The following WWP2 variants were observed in gnomAD, a reference collection of about 807,000 sequenced individuals.
The protein encoded by WWP2 is NEDD4-like E3 ubiquitin-protein ligase WWP2.
A neutral mutation model predicts 121.0 loss-of-function variants in WWP2; 57 were observed. The ratio of observed to expected loss-of-function variants is 0.47; its 90% CI spans 0.38 to 0.59. The LOEUF is 0.59. Among genes scored for constraint, WWP2 ranks in the 20% least tolerant of loss-of-function variants. The probability of loss-of-function intolerance (pLI) is 0.00; values close to 1 mark genes in which losing one functional copy is unlikely to be tolerated. For synonymous variants in WWP2, 449 were observed against 441.3 expected (o/e 1.02, Z -0.22); for missense variants, 962 against 1,158.9 (o/e 0.83, Z 2.47).
intron 23 of WWP2, 75 bp downstream of exon 23, chr16:69,939,488 A>C: frequency 1.3e-6 from 2 of 1,507,270 alleles, no homozygotes; most frequent in South Asian, 1.1e-5. Context: ...CAGTGGGTGT[A>C]GCAGCTTCAT....
chr16:69,903,048 A>G (rs2058229730), intron 8 of WWP2, among the ~76,000 whole-genome samples: 1 of 152,202 alleles, frequency 6.6e-6, no homozygotes, highest in Non-Finnish European at 1.5e-5. Flanking sequence ...AGGTGATGGA[A>G]GAAAGGTCTT....
intron 8 of WWP2, among the ~76,000 whole-genome samples, chr16:69,907,247 G>A (rs2058308534): frequency 6.6e-6 from 1 of 152,178 alleles, no homozygotes; most frequent in Non-Finnish European, 1.5e-5. Flanking sequence ...ATGCCTGTGG[G>A]TTTTGTGCAT....
chr16:69,788,356 C>T (rs2055836625), intron 2 of WWP2, among the ~76,000 whole-genome samples: 1 of 152,162 alleles, frequency 6.6e-6, no homozygotes, highest in Non-Finnish European at 1.5e-5. Context: ...TCTTGTCACT[C>T]CTCTGCTCAA....
chr16:69,871,934 G>A lies in WWP2; in HGVS notation c.703+3G>A, dbSNP rs1408874503. On this transcript the variant is annotated splice_donor_region_variant and intron_variant, in intron 7 of 23. Coordinates refer to ENST00000359154, the MANE Select transcript of WWP2 (RefSeq NM_001270454.2). ...CAGTGGCTTGGCCAATGGCACAGGT[G>A]AGTGATGGCACCGCACGCCAGCCTG... 2 of 1,612,930 alleles carry A rather than the reference G, an allele frequency of 1.2e-6. No homozygotes were observed. The highest frequency in any genetic ancestry group is 2.7e-5 in the African/African-American group (2 of 74,914).
intron 10 of WWP2, among the ~76,000 whole-genome samples, chr16:69,920,219 A>G (rs544447696): frequency 5.9e-5 from 9 of 152,262 alleles, no homozygotes; most frequent in Admixed American, 3.3e-4. Context: ...CAGTTTCCTT[A>G]GCAGAGGTGA....
rs142465753 is a variant in WWP2, at chr16:69,903,569, C to T, written c.915-5192C>T. ...GGATCACAAGGTCAGAAGATCGAGA[C>T]CATCCTGGCCAACATGGTGAAACCC... On this transcript the variant is annotated intron_variant, in intron 8 of 23. Coordinates refer to ENST00000359154, the MANE Select transcript of WWP2 (RefSeq NM_001270454.2). Among the ~76,000 whole-genome samples, 1,301 of 152,092 alleles carry T rather than the reference C, an allele frequency of 8.6e-3. 12 individuals carry two copies. Among genetic ancestry groups the T allele is most frequent in the Non-Finnish European group, 0.015 (997 of 67,982 alleles).
At chr16:69,927,199 G>T (rs1434002681) in intron 11 of WWP2, among the ~76,000 whole-genome samples, 2 of 152,148 alleles carry the variant, frequency 1.3e-5, no homozygotes, top group Non-Finnish European at 2.9e-5. Flanking sequence ...AGATCCTTGG[G>T]GATCTGTGTT....
At chr16:69,870,686 G>A (rs989649900) in intron 6 of WWP2, among the ~76,000 whole-genome samples, 1 of 152,152 alleles carries the variant, frequency 6.6e-6, no homozygotes. Flanking sequence ...CTGGAGAGGG[G>A]TGATCTTTTC....
At chr16:69,822,266 C>T (rs533215664) in intron 4 of WWP2, among the ~76,000 whole-genome samples, 40 of 152,250 alleles carry the variant, frequency 2.6e-4, no homozygotes, top group African/African-American at 6.7e-4. Flanking sequence ...TTCTTAGGAT[C>T]ATGAGCCTTG....
At chr16:69,811,256 T>C (rs1335172494) in intron 4 of WWP2, among the ~76,000 whole-genome samples, 5 of 152,114 alleles carry the variant, frequency 3.3e-5, no homozygotes, top group African/African-American at 1.2e-4. Flanking sequence ...TCTCCTACTT[T>C]CAAGGAGGTG....
intron 6 of WWP2, among the ~76,000 whole-genome samples, chr16:69,868,085 A>G (rs1000591656): frequency 2.6e-5 from 4 of 152,234 alleles, no homozygotes; most frequent in South Asian, 2.1e-4. Flanking sequence ...TCCTTTAAGC[A>G]TCTTATTTTA....
chr16:69,887,267 C>T (rs925688211), intron 7 of WWP2, among the ~76,000 whole-genome samples: 1 of 152,188 alleles, frequency 6.6e-6, no homozygotes, highest in Non-Finnish European at 1.5e-5. Flanking sequence ...GAGCACATTA[C>T]TGGAAGTTTT....
intron 1 of WWP2, among the ~76,000 whole-genome samples, chr16:69,768,982 A>G (rs1399695920): frequency 6.6e-6 from 1 of 152,244 alleles, no homozygotes; most frequent in African/African-American, 2.4e-5. Flanking sequence ...TGTGAAGAAC[A>G]GGAGAATCTT....
chr16:69,801,725 T>C (rs1020359757), intron 4 of WWP2, among the ~76,000 whole-genome samples: 2 of 152,100 alleles, frequency 1.3e-5, no homozygotes, highest in African/African-American at 4.8e-5. Context: ...GTTAACATTT[T>C]GATGTATACA....
At chr16:69,909,014 T>G (rs553467561) in intron 9 of WWP2, 164 bp downstream of exon 9, 1 of 1,435,302 alleles carries the variant, frequency 7.0e-7, no homozygotes, top group South Asian at 1.5e-5. Flanking sequence ...ATTGCTCCCA[T>G]GTCTTAGGAC....
chr16:69,806,508 G>C (rs2056277405), intron 4 of WWP2, among the ~76,000 whole-genome samples: 2 of 152,150 alleles, frequency 1.3e-5, no homozygotes, highest in Non-Finnish European at 2.9e-5. Flanking sequence ...GCAGCAAAGA[G>C]CTCACCCATA....
intron 9 of WWP2, among the ~76,000 whole-genome samples, chr16:69,917,076 CTTATA>C (rs2058489514): frequency 6.6e-6 from 1 of 152,226 alleles, no homozygotes; most frequent in Admixed American, 6.5e-5. Context: ...ACACTGGCAC[CTTATA>C]TCAGGTGAGT....
At position 69,911,476 on chromosome 16, in the gene WWP2, G is replaced by A. The variant is rs116246542; in HGVS notation, c.1004+2626G>A. ...ATGGGAAGGGAAAGGATGTGTTTGG[G>A]GAAGGATGCATGGGGTGGTTATGCT... is the stretch of plus-strand genomic sequence containing the variant. On this transcript the variant is annotated intron_variant, in intron 9 of 23. Transcript: ENST00000359154. 5.4e-3 allele frequency among the ~76,000 whole-genome samples: 822 copies of A among 152,268 alleles called. 12 individuals are homozygous for A. Among genetic ancestry groups the A allele is most frequent in the African/African-American group, 0.019 (783 of 41,546 alleles).
rs371836786 is a variant in WWP2 at position 69,912,870 on chromosome 16, C to G, written c.1004+4020C>G. 3.8e-5 allele frequency among the ~76,000 whole-genome samples: 5 copies of G among 130,228 alleles called. No homozygotes were observed. The South Asian group carries it at 1.3e-3, about 34-fold the overall frequency. The allele number at this position is 130,228 out of a possible 152,430, so 85.4% of individuals were successfully genotyped here. ...GCCAAGGTGGGAGGATCGCTTGAGTCCAGGAGTTCGAGACTAGCCTGGGCA... is the reference window on the plus strand; with the variant it reads ...GCCAAGGTGGGAGGATCGCTTGAGTGCAGGAGTTCGAGACTAGCCTGGGCA... On this transcript the variant is annotated intron_variant, in intron 9 of 23. Transcript: ENST00000359154.
Sources: allele counts gnomAD v4.1 joint callset (sites outside exome capture counted in the v4.1 genomes callset), GRCh38; gene constraint gnomAD v4.1.1; transcripts MANE v1.5; gene names NCBI Gene and HGNC (gene_info 2026-07-23, HGNC 2026-07-21).